KCNIP1: variants seen among roughly 807,000 people sequenced by gnomAD.
KCNIP1 encodes the protein potassium voltage-gated channel interacting protein 1.
Under a neutral mutation model 33.0 loss-of-function variants are expected in KCNIP1, and 18 were observed. The observed-to-expected ratio is 0.55, with a 90% CI of 0.38 to 0.81. KCNIP1 has a LOEUF of 0.81. Among genes scored for constraint, KCNIP1 ranks in the 30% least tolerant of loss-of-function variants. The pLI, the probability that KCNIP1 is intolerant of heterozygous loss-of-function variation, is 0.00. For synonymous variants in KCNIP1, 93 were observed against 98.3 expected (o/e 0.95, Z 0.32); for missense variants, 238 against 271.6 (o/e 0.88, Z 0.87).
chr5:170,484,529 G>C (rs906434309), intron 1 of KCNIP1, among the ~76,000 whole-genome samples: 1 of 152,090 alleles, frequency 6.6e-6, no homozygotes, highest in Non-Finnish European at 1.5e-5. Flanking sequence ...AAGGCTGTGT[G>C]CTCCCCACCT....
intron 1 of KCNIP1, among the ~76,000 whole-genome samples, chr5:170,401,288 T>A (rs150610948): frequency 2.0e-5 from 3 of 152,338 alleles, no homozygotes; most frequent in African/African-American, 4.8e-5. Flanking sequence ...AATGTATGTC[T>A]GTAATCCATA....
chr5:170,699,904 T>G (rs1763033707), intron 1 of KCNIP1, among the ~76,000 whole-genome samples: 1 of 152,220 alleles, frequency 6.6e-6, no homozygotes, highest in African/African-American at 2.4e-5. Flanking sequence ...CCATCCTCCG[T>G]GAAGCCCCAG....
At chr5:170,432,463 A>G (rs1024464357) in intron 1 of KCNIP1, among the ~76,000 whole-genome samples, 1 of 152,190 alleles carries the variant, frequency 6.6e-6, no homozygotes, top group South Asian at 2.1e-4. Context: ...ACACAATAAG[A>G]ATGCTAGCTC....
chr5:170,622,298 C>T (rs1192772923), intron 1 of KCNIP1, among the ~76,000 whole-genome samples: 3 of 151,952 alleles, frequency 2.0e-5, no homozygotes, highest in Non-Finnish European at 2.9e-5. Flanking sequence ...GGGGTCTATC[C>T]GAAATCCAGT....
At chr5:170,359,606 A>G (rs1028007750) in intron 1 of KCNIP1, among the ~76,000 whole-genome samples, 1 of 152,172 alleles carries the variant, frequency 6.6e-6, no homozygotes, top group African/African-American at 2.4e-5. Context: ...GCTTTGTCAC[A>G]GGAAGAAAGT....
chr5:170,640,035 A>G (rs925178645), intron 1 of KCNIP1, among the ~76,000 whole-genome samples: 2 of 152,316 alleles, frequency 1.3e-5, no homozygotes, highest in Non-Finnish European at 2.9e-5. Flanking sequence ...GGAACCATGG[A>G]GCACCACCCT....
At chr5:170,390,183 C>T (rs1462721776) in intron 1 of KCNIP1, among the ~76,000 whole-genome samples, 1 of 152,134 alleles carries the variant, frequency 6.6e-6, no homozygotes, top group African/African-American at 2.4e-5. Flanking sequence ...TCTGCTTCTT[C>T]ATCTGTAAAG....
At position 170,462,274 on chromosome 5, in the gene KCNIP1, A is replaced by AC. The variant is rs1756520815; in HGVS notation, c.88+108310_88+108311insC. ...ACTCAAACAAATTAGCAAAAAAAAAAAAAAAAAAAAACTACCAAAAAAAAT... is the reference window on the plus strand; with the variant it reads ...ACTCAAACAAATTAGCAAAAAAAAAACAAAAAAAAAAACTACCAAAAAAAAT... On this transcript the variant is annotated intron_variant, in intron 1 of 7. Coordinates refer to the KCNIP1 transcript ENST00000377360. 3.3e-5 allele frequency among the ~76,000 whole-genome samples: 5 copies of AC among 149,524 alleles called. No individual in the cohort carries two copies. The South Asian group carries it at 1.1e-3, about 32-fold the overall frequency.
At position 170,439,484 on chromosome 5, in the gene KCNIP1, G is replaced by A. The variant is rs1755938912; in HGVS notation, c.88+85520G>A. 3.1e-5 allele frequency among the ~76,000 whole-genome samples: 4 copies of A among 128,744 alleles called. 1 individual carries two copies. Among genetic ancestry groups the A allele is most frequent in the East Asian group, 4.3e-4 (2 of 4,700 alleles). The allele number at this position is 128,744 out of a possible 152,430, so 84.5% of individuals were successfully genotyped here. A position where few individuals can be genotyped will look rare whatever the true frequency, so the allele number is the denominator to read the frequency against. Reference sequence around the variant, plus strand: ...GAGAGCCTGGCACAATGTGGGGGACGGGGGCGGGGGGGTGCGGAGCTTGGC... The same window carrying A: ...GAGAGCCTGGCACAATGTGGGGGACAGGGGCGGGGGGGTGCGGAGCTTGGC... On this transcript the variant is annotated intron_variant, in intron 1 of 7. Transcript: ENST00000377360.
intron 1 of KCNIP1, among the ~76,000 whole-genome samples, chr5:170,675,158 G>A (rs1179796827): frequency 6.6e-6 from 1 of 151,734 alleles, no homozygotes; most frequent in Non-Finnish European, 1.5e-5. Context: ...TAATTAGCTG[G>A]GCTTGCTGCC....
At chr5:170,511,683 A>G (rs1024536055) in intron 1 of KCNIP1, among the ~76,000 whole-genome samples, 4 of 152,180 alleles carry the variant, frequency 2.6e-5, no homozygotes, top group African/African-American at 9.7e-5. Flanking sequence ...ATTAACCCCA[A>G]CCCTGGAGGA....
intron 1 of KCNIP1, among the ~76,000 whole-genome samples, chr5:170,564,674 A>T (rs767603241): frequency 4.6e-5 from 7 of 152,150 alleles, no homozygotes; most frequent in African/African-American, 1.7e-4. Flanking sequence ...TGTTCTTGCC[A>T]TGGGAGGTGG....
At chr5:170,538,406 G>T (rs948424789) in intron 1 of KCNIP1, among the ~76,000 whole-genome samples, 1 of 152,086 alleles carries the variant, frequency 6.6e-6, no homozygotes, top group Non-Finnish European at 1.5e-5. Context: ...CCAATGGGGT[G>T]GTGAGTAGGA....
At chr5:170,668,996 G>T (rs565498777) in intron 1 of KCNIP1, among the ~76,000 whole-genome samples, 3 of 152,294 alleles carry the variant, frequency 2.0e-5, no homozygotes, top group African/African-American at 7.2e-5. Context: ...TTCCCAGGCT[G>T]GGCTGGGTGT....
chr5:170,735,642 C>A (rs1340175330), intron 7 of KCNIP1, 117 bp from the exon 8 acceptor site: 4 of 849,320 alleles, frequency 4.7e-6, no homozygotes, highest in South Asian at 3.0e-5. Context: ...GTTTTTCATA[C>A]CCTTGTAGAG....
intron 1 of KCNIP1, among the ~76,000 whole-genome samples, chr5:170,369,116 A>C (rs1763779967): frequency 6.6e-6 from 1 of 152,266 alleles, no homozygotes. Context: ...GTAGTATAGT[A>C]TTTAAGGGCA....
chr5:170,659,927 A>G lies in KCNIP1; in HGVS notation c.62-58831A>G, dbSNP rs564273902. The stretch of plus-strand genomic sequence containing the variant: ...GCCCCTTGGAGCTCCTTCCAGGAGT[A>G]GAATGATCACAAGAGCTGCCATGTA... On this transcript the variant is annotated intron_variant, in intron 1 of 7. Transcript: ENST00000328939. 2.8e-4 allele frequency among the ~76,000 whole-genome samples: 42 copies of G among 152,360 alleles called. No individual in the cohort carries two copies. The South Asian group carries it at 3.5e-3, about 13-fold the overall frequency.
chr5:170,533,869 T>C (rs1755871974), intron 1 of KCNIP1, among the ~76,000 whole-genome samples: 1 of 152,142 alleles, frequency 6.6e-6, no homozygotes, highest in African/African-American at 2.4e-5. Context: ...ACAACATCTC[T>C]GATAAACGGT....
intron 1 of KCNIP1, among the ~76,000 whole-genome samples, chr5:170,514,678 T>C (rs1428005342): frequency 6.6e-6 from 1 of 152,356 alleles, no homozygotes; most frequent in Non-Finnish European, 1.5e-5. Flanking sequence ...CAAAACACAA[T>C]TTTTGATGCC....
Sources: gnomAD v4.1 joint callset for allele counts (sites outside exome capture counted in the v4.1 genomes callset) on GRCh38, gnomAD v4.1.1 for gene constraint, MANE v1.5 for transcripts, NCBI Gene and HGNC (gene_info 2026-07-23, HGNC 2026-07-21) for gene names.